Variants in SMAD9 observed in about 807,000 individuals in gnomAD.
SMAD9 encodes the protein SMAD family member 9.
In SMAD9, 36 loss-of-function variants were observed where a neutral mutation model predicts 46.1. The ratio of observed to expected loss-of-function variants is 0.78; its 90% CI spans 0.60 to 1.03. The LOEUF is 1.03. Among genes scored for constraint, SMAD9 ranks in the 50% least tolerant of loss-of-function variants. The pLI is 0.00. For missense variants in SMAD9, 572 were observed against 599.8 expected, an observed-to-expected ratio of 0.95 and a Z score of 0.48; for synonymous variants, 245 against 237.1, an observed-to-expected ratio of 1.03 and a Z score of -0.31.
At chr13:36,856,276 T>C (rs113823388) in intron 5 of SMAD9, among the ~76,000 whole-genome samples, 1,907 of 152,292 alleles carry the variant, frequency 0.013, 44 homozygotes, top group African/African-American at 0.043. Flanking sequence ...GGTATGTGAA[T>C]TGAATGACCT....
chr13:36,886,369 G>A (rs1459340762), intron 1 of SMAD9, among the ~76,000 whole-genome samples: 1 of 152,248 alleles, frequency 6.6e-6, no homozygotes. Flanking sequence ...TGAAATGCAG[G>A]AGGATGGGAG....
intron 1 of SMAD9, among the ~76,000 whole-genome samples, chr13:36,885,440 C>T (rs1386057510): frequency 2.6e-5 from 4 of 152,072 alleles, no homozygotes; most frequent in Non-Finnish European, 4.4e-5. Context: ...TTAAAGTAGC[C>T]TGGCATTCCC....
intron 1 of SMAD9, among the ~76,000 whole-genome samples, chr13:36,908,969 T>C (rs1439186615): frequency 5.3e-5 from 8 of 152,240 alleles, no homozygotes; most frequent in African/African-American, 1.7e-4. Context: ...GGTAAGCAGA[T>C]GTCACTGGAA....
At chr13:36,864,052 G>T (rs599084) in intron 5 of SMAD9, among the ~76,000 whole-genome samples, 2 of 151,992 alleles carry the variant, frequency 1.3e-5, no homozygotes, top group East Asian at 3.9e-4. Flanking sequence ...AGACCAATCT[G>T]CAAAGCTCCT....
At chr13:36,917,878 T>C (rs567100422) in intron 1 of SMAD9, among the ~76,000 whole-genome samples, 4 of 152,324 alleles carry the variant, frequency 2.6e-5, no homozygotes, top group Non-Finnish European at 5.9e-5. Flanking sequence ...TTAATCAGAA[T>C]TAAACTATTT....
chr13:36,883,150 C>G (rs2058417918), intron 1 of SMAD9, among the ~76,000 whole-genome samples: 1 of 152,138 alleles, frequency 6.6e-6, no homozygotes, highest in Non-Finnish European at 1.5e-5. Context: ...GAACAGCTTT[C>G]CATTGTCAGA....
intron 2 of SMAD9, 62 bp from the exon 3 acceptor site, chr13:36,872,977 T>C: frequency 4.5e-6 from 7 of 1,569,930 alleles, no homozygotes; most frequent in Non-Finnish European, 6.1e-6. Context: ...CACAACAGAG[T>C]GGATACTTGC....
chr13:36,859,473 A>AC (rs1239664569), intron 5 of SMAD9, among the ~76,000 whole-genome samples: 13 of 152,204 alleles, frequency 8.5e-5, no homozygotes, highest in Non-Finnish European at 1.8e-4. Flanking sequence ...TGCTGATGAA[A>AC]CAGGCTGCAA....
intron 6 of SMAD9, chr13:36,852,304 T>C: frequency 1.0e-6 from 1 of 985,274 alleles, no homozygotes; most frequent in Non-Finnish European, 1.2e-6. Context: ...GCCATGCTGA[T>C]TCCCTGGATG....
intron 1 of SMAD9, among the ~76,000 whole-genome samples, chr13:36,900,999 T>C (rs904964081): frequency 6.6e-6 from 1 of 152,212 alleles, no homozygotes; most frequent in African/African-American, 2.4e-5. Context: ...TTACCTATTC[T>C]GAATTGTTCA....
intron 1 of SMAD9, among the ~76,000 whole-genome samples, chr13:36,898,059 C>CA: frequency 6.6e-6 from 1 of 151,762 alleles, no homozygotes; most frequent in Non-Finnish European, 1.5e-5. Context: ...AGGGTTTCAC[C>CA]GTGTTAGCCA....
intron 5 of SMAD9, 42 bp from the exon 6 acceptor site, chr13:36,853,717 A>G (rs1329206735): frequency 3.7e-6 from 6 of 1,609,368 alleles, no homozygotes; most frequent in East Asian, 2.2e-5. Context: ...ATGCCCTTTC[A>G]TAGCGTGCCT....
Position 36,865,578 on chromosome 13 carries a change from CT to C in SMAD9, c.961del (p.Arg321GlufsTer5). 6.2e-7 allele frequency: 1 copy of C among 1,614,070 alleles called. No homozygotes were observed. Among genetic ancestry groups the C allele is most frequent in the South Asian group, 1.1e-5 (1 of 91,068 alleles). ...FCLGLLSNVN[R>X]NSTIENTRRH... ...CCTGGTATTTTCTATCGTTGAGTTT[CT>C]GTTTACATTAGAAAGAAGTCCAAGA... On this transcript the variant is annotated frameshift_variant, in exon 5 of 7. Transcript: ENST00000379826. LOFTEE classifies it high-confidence loss of function.
At chr13:36,920,337 G>GGC (rs890895963), upstream of SMAD9, 2 of 148,860 alleles carry the variant, frequency 1.3e-5, no homozygotes, top group African/African-American at 4.9e-5. Context: ...CGCGCGCTCT[G>GGC]GCCGCTCCGG....
chr13:36,917,398 C>CG lies in SMAD9; in HGVS notation c.-187+2717_-187+2718insC, dbSNP rs1593636938. On this transcript the variant is annotated intron_variant, in intron 1 of 6. Coordinates refer to ENST00000379826, the MANE Select transcript of SMAD9 (RefSeq NM_001127217.3). Reference sequence around the variant, plus strand: ...TAAGTACTTATGCATTTACTGTTTGCATTTTTTTTTTTTGCTTTAGAATAA... The same window carrying CG: ...TAAGTACTTATGCATTTACTGTTTGCGATTTTTTTTTTTTGCTTTAGAATAA... Among the ~76,000 whole-genome samples the CG allele has an allele frequency of 3.8e-5, 4 of 106,544 alleles. No individual in the cohort carries two copies. The East Asian group carries it at 9.3e-4, about 25-fold the overall frequency. The allele number at this position is 106,544 out of a possible 152,430, so 69.9% of individuals were successfully genotyped here. A position where few individuals can be genotyped will look rare whatever the true frequency, so the allele number is the denominator to read the frequency against.
intron 1 of SMAD9, among the ~76,000 whole-genome samples, chr13:36,910,792 C>T (rs908773430): frequency 8.5e-5 from 13 of 152,178 alleles, no homozygotes; most frequent in African/African-American, 3.1e-4. Context: ...CAGCACCTAA[C>T]ATGTGCTAGT....
Position 36,903,130 on chromosome 13 carries a change from T to G in SMAD9, c.-187+16986A>C, listed in dbSNP as rs903864804. 1.6e-4 allele frequency among the ~76,000 whole-genome samples: 23 copies of G among 140,794 alleles called. 1 individual carries two copies. The highest frequency in any genetic ancestry group is 6.8e-5 in the Admixed American group (1 of 14,616). The allele number at this position is 140,794 out of a possible 152,430, so 92.4% of individuals were successfully genotyped here. On this transcript the variant is annotated intron_variant, in intron 1 of 6. Transcript: ENST00000379826. ...TCTTTCTTTTTTTTTCTTTTGGTTT[T>G]TTTTTTTTTTTTTTGAGACAGAGTC...
chr13:36,894,361 G>T (rs1341659828), intron 1 of SMAD9, among the ~76,000 whole-genome samples: 1 of 151,988 alleles, frequency 6.6e-6, no homozygotes, highest in African/African-American at 2.4e-5. Flanking sequence ...ATTCTCTCTT[G>T]TCTGCCGCCA....
chr13:36,919,364 G>T (rs1156680503), intron 1 of SMAD9, among the ~76,000 whole-genome samples: 1 of 152,066 alleles, frequency 6.6e-6, no homozygotes, highest in Non-Finnish European at 1.5e-5. Flanking sequence ...TCTGCGGAGA[G>T]CTGGCACCGA....
Sources: gnomAD v4.1 joint callset for allele counts (sites outside exome capture counted in the v4.1 genomes callset) on GRCh38, gnomAD v4.1.1 for gene constraint, MANE v1.5 for transcripts, NCBI Gene and HGNC (gene_info 2026-07-23, HGNC 2026-07-21) for gene names.